Variants in DOCK2 observed in about 807,000 individuals in gnomAD.
The protein encoded by DOCK2 is dedicator of cytokinesis protein 2.
Under a neutral mutation model 248.9 loss-of-function variants are expected in DOCK2, and 87 were observed. That is an observed-to-expected ratio of 0.35 (90% CI 0.29 to 0.42). The LOEUF is 0.42. Among genes scored for constraint, DOCK2 ranks in the 10% least tolerant of loss-of-function variants. The pLI, the probability that DOCK2 is intolerant of heterozygous loss-of-function variation, is 1.00. For synonymous variants in DOCK2, 805 were observed against 821.6 expected (o/e 0.98, Z 0.35); for missense variants, 1,747 against 2,300.2 (o/e 0.76, Z 4.92).
rs1760035605 is a variant in DOCK2, at chr5:169,687,212, GA to G, written c.762-2037del. On this transcript the variant is annotated intron_variant, in intron 8 of 51. Transcript: ENST00000520908. ...ACAACAGTACAGAAATTACCAATGA[GA>G]AAGCATTAAAAATAAAAAAAATTTG... 3.3e-5 allele frequency among the ~76,000 whole-genome samples: 5 copies of G among 152,158 alleles called. No individual in the cohort carries two copies. In the South Asian group the frequency reaches 1.0e-3, roughly 32 times the overall value.
chr5:169,847,163 C>T (rs571743123), intron 27 of DOCK2, among the ~76,000 whole-genome samples: 27 of 152,118 alleles, frequency 1.8e-4, no homozygotes, highest in Admixed American at 7.9e-4. Flanking sequence ...CATACATGTG[C>T]GAGTGTCTTT....
intron 27 of DOCK2, among the ~76,000 whole-genome samples, chr5:169,905,707 G>A (rs1774236529): frequency 6.6e-6 from 1 of 152,074 alleles, no homozygotes. Flanking sequence ...CCTCTGGGAG[G>A]GGCCACTAAA....
At chr5:169,908,459 A>G (rs1774410354) in intron 27 of DOCK2, among the ~76,000 whole-genome samples, 1 of 152,198 alleles carries the variant, frequency 6.6e-6, no homozygotes, top group Non-Finnish European at 1.5e-5. Context: ...TCTTCTGAAT[A>G]TGGCCCCCAA....
rs370441217 is a variant in DOCK2, at chr5:169,779,969, A to G, written c.2554+18344A>G. Among the ~76,000 whole-genome samples the G allele has an allele frequency of 1.4e-4, 22 of 152,210 alleles. 1 individual carries two copies. Among genetic ancestry groups the G allele is most frequent in the African/African-American group, 4.3e-4 (18 of 41,518 alleles). On this transcript the variant is annotated intron_variant, in intron 25 of 51. Transcript: ENST00000520908. ...ATTTGCCCTCCCAGAGAGAGCTCTAACCAGTTTTCTTTCTGGGTCACCGAA... is the reference window on the plus strand; with the variant it reads ...ATTTGCCCTCCCAGAGAGAGCTCTAGCCAGTTTTCTTTCTGGGTCACCGAA...
At chr5:170,056,600 A>T in intron 42 of DOCK2, 84 bp from the exon 43 acceptor site, 1 of 1,125,214 alleles carries the variant, frequency 8.9e-7, no homozygotes. Context: ...ACTGTAATGA[A>T]CCTCCCTGGA....
At chr5:169,834,704 A>G (rs574479293) in intron 26 of DOCK2, among the ~76,000 whole-genome samples, 360 of 152,054 alleles carry the variant, frequency 2.4e-3, no homozygotes, top group African/African-American at 8.1e-3. Context: ...AAATGTCCCA[A>G]CCAGATCACC....
intron 27 of DOCK2, among the ~76,000 whole-genome samples, chr5:169,958,613 G>C (rs1337470388): frequency 6.6e-6 from 1 of 151,584 alleles, no homozygotes; most frequent in South Asian, 2.1e-4. Context: ...TTTACAAAAT[G>C]TGGTTTAAAT....
At chr5:169,653,267 G>C (rs1195989408) in intron 1 of DOCK2, among the ~76,000 whole-genome samples, 1 of 152,190 alleles carries the variant, frequency 6.6e-6, no homozygotes, top group African/African-American at 2.4e-5. Flanking sequence ...CCTACGTTTA[G>C]TTCCTCTTTA....
chr5:169,944,008 A>G (rs961891940), intron 27 of DOCK2, among the ~76,000 whole-genome samples: 1 of 152,152 alleles, frequency 6.6e-6, no homozygotes, highest in African/African-American at 2.4e-5. Flanking sequence ...GTGACTCTAT[A>G]ATTCTCCAGG....
intron 34 of DOCK2, among the ~76,000 whole-genome samples, chr5:170,030,428 A>C (rs1291523258): frequency 6.6e-6 from 1 of 152,222 alleles, no homozygotes; most frequent in Non-Finnish European, 1.5e-5. Context: ...AATTGGGGAT[A>C]AAATATTATC....
At position 169,714,079 on chromosome 5, in the gene DOCK2, T is replaced by G. The variant is rs775674415; in HGVS notation, c.1711T>G (p.Tyr571Asp). Reference sequence around the variant, plus strand: ...CAGCGCATACCTGACCCTTCCTTCTTATCGACACCATGTGGAAAACAAGGG... The same window carrying G: ...CAGCGCATACCTGACCCTTCCTTCTGATCGACACCATGTGGAAAACAAGGG... ...DASAYLTLPSYRHHVENKGAT... is the reference protein window; with the variant it reads ...DASAYLTLPSDRHHVENKGAT... The change falls in exon 18 of 52, where the codon TAT becomes GAT. Residue 571 changes from tyrosine to aspartate, a missense_variant. Around this residue, in one of 4 missense-constraint regions of DOCK2, gnomAD observed 858 missense variants for 1,183.5 expected, o/e 0.72. Coordinates refer to ENST00000520908, the MANE Select transcript of DOCK2 (RefSeq NM_004946.3). The G allele has an allele frequency of 1.9e-6, 3 of 1,613,486 alleles. No individual in the cohort carries two copies. Among genetic ancestry groups the G allele is most frequent in the South Asian group, 2.2e-5 (2 of 90,948 alleles).
At chr5:169,880,634 G>T (rs1772587648) in intron 27 of DOCK2, among the ~76,000 whole-genome samples, 1 of 152,152 alleles carries the variant, frequency 6.6e-6, no homozygotes, top group Non-Finnish European at 1.5e-5. Flanking sequence ...TCAGAGGTTT[G>T]CAGTTACAAA....
intron 27 of DOCK2, among the ~76,000 whole-genome samples, chr5:169,845,093 C>T (rs1364166897): frequency 1.3e-5 from 2 of 150,962 alleles, no homozygotes; most frequent in Non-Finnish European, 2.9e-5. Context: ...AACTCATTGC[C>T]AGGTCCCTGA....
intron 27 of DOCK2, among the ~76,000 whole-genome samples, chr5:169,841,758 C>T (rs977190835): frequency 2.0e-5 from 3 of 152,180 alleles, no homozygotes; most frequent in Non-Finnish European, 4.4e-5. Context: ...TCATACCTTA[C>T]TTCTTTATTT....
At chr5:169,867,407 CTCTGTCTGTCTGTCTG>C (rs56110833) in intron 27 of DOCK2, among the ~76,000 whole-genome samples, 3 of 149,076 alleles carry the variant, frequency 2.0e-5, no homozygotes, top group Non-Finnish European at 4.5e-5. Flanking sequence ...GTGAAAACCT[CTCTGTCTGTCTGTCTG>C]TCTGTCTGTC....
chr5:169,693,465 T>C (rs1446796342), intron 9 of DOCK2, among the ~76,000 whole-genome samples: 1 of 152,094 alleles, frequency 6.6e-6, no homozygotes, highest in Non-Finnish European at 1.5e-5. Context: ...TAGGGAGCTA[T>C]TAATGTTGTT....
At chr5:169,963,466 C>T (rs1235576431) in intron 27 of DOCK2, among the ~76,000 whole-genome samples, 6 of 152,126 alleles carry the variant, frequency 3.9e-5, no homozygotes, top group Non-Finnish European at 8.8e-5. Context: ...TCCTCTGGTC[C>T]TAGGCCCATT....
At chr5:169,980,455 C>T (rs1356927746) in intron 27 of DOCK2, 2 of 151,952 alleles carry the variant, frequency 1.3e-5, no homozygotes, top group East Asian at 1.9e-4. Context: ...AATAAAAAGC[C>T]GAACAAACTG....
At chr5:169,997,948 C>T in intron 30 of DOCK2, 1 of 456,346 alleles carries the variant, frequency 2.2e-6, no homozygotes, top group Non-Finnish European at 4.4e-6. Context: ...CTGTAAAATG[C>T]AACAACTACC....
Sources: allele counts gnomAD v4.1 joint callset (sites outside exome capture counted in the v4.1 genomes callset), GRCh38; gene constraint gnomAD v4.1.1; regional missense constraint gnomAD v4.1.1; transcripts MANE v1.5; gene names NCBI Gene and HGNC (gene_info 2026-07-23, HGNC 2026-07-21).